CACNA2D3: variants seen among roughly 807,000 people sequenced by gnomAD.
CACNA2D3 encodes the protein voltage-dependent calcium channel subunit alpha-2/delta-3.
A neutral mutation model predicts 160.6 loss-of-function variants in CACNA2D3; 60 were observed. The ratio of observed to expected loss-of-function variants is 0.37; its 90% CI spans 0.30 to 0.46. CACNA2D3 has a LOEUF of 0.46. Among genes scored for constraint, CACNA2D3 ranks in the 20% least tolerant of loss-of-function variants. The pLI is 1.00. For missense variants in CACNA2D3, 1,205 were observed against 1,365.0 expected (o/e 0.88, Z 1.85); for synonymous variants, 558 against 492.9 (o/e 1.13, Z -1.75).
chr3:54,723,702 C>T (rs534982157), intron 11 of CACNA2D3, among the ~76,000 whole-genome samples: 20 of 152,306 alleles, frequency 1.3e-4, no homozygotes, highest in African/African-American at 3.4e-4. Context: ...GCTCACCCTC[C>T]GTGGGCTGCA....
At chr3:54,987,875 G>A (rs1438305287) in intron 31 of CACNA2D3, 122 bp downstream of exon 31, 3 of 622,344 alleles carry the variant, frequency 4.8e-6, no homozygotes, top group Non-Finnish European at 8.3e-6. Context: ...TTGTGTTCAT[G>A]CTCCAAAAGA....
intron 2 of CACNA2D3, among the ~76,000 whole-genome samples, chr3:54,298,094 A>G (rs375222241): frequency 6.6e-5 from 10 of 152,346 alleles, no homozygotes; most frequent in African/African-American, 2.4e-4. Context: ...AGTATATACC[A>G]GTGTGGTAGA....
At chr3:54,651,792 G>A (rs1699769713) in intron 11 of CACNA2D3, among the ~76,000 whole-genome samples, 1 of 152,134 alleles carries the variant, frequency 6.6e-6, no homozygotes, top group African/African-American at 2.4e-5. Context: ...GCGCCTCTGA[G>A]GGGGTTTTGT....
chr3:54,909,680 A>G (rs1295209124), intron 27 of CACNA2D3, among the ~76,000 whole-genome samples: 2 of 130,672 alleles, frequency 1.5e-5, no homozygotes, highest in South Asian at 2.4e-4. Flanking sequence ...ATCAGCTATC[A>G]TTAGTGTTAA....
chr3:54,210,606 A>G (rs948495917), intron 2 of CACNA2D3, among the ~76,000 whole-genome samples: 1 of 152,172 alleles, frequency 6.6e-6, no homozygotes, highest in East Asian at 1.9e-4. Flanking sequence ...AGATGAGGTA[A>G]TGGACTTGGA....
intron 18 of CACNA2D3, chr3:54,874,537 A>G (rs936414309): frequency 6.6e-6 from 1 of 152,208 alleles, no homozygotes; most frequent in Non-Finnish European, 1.5e-5. Flanking sequence ...TTATTAATAG[A>G]AAAAAACTCA....
intron 3 of CACNA2D3, among the ~76,000 whole-genome samples, chr3:54,350,982 G>GTTTTTTTTTTTT (rs1491034355): frequency 3.2e-5 from 2 of 61,800 alleles, no homozygotes; most frequent in Non-Finnish European, 6.1e-5. Context: ...TTTTTTTTTT[G>GTTTTTTTTTTTT]TTTGTTTTTT....
At chr3:54,481,550 C>A (rs1700933019) in intron 4 of CACNA2D3, among the ~76,000 whole-genome samples, 1 of 152,214 alleles carries the variant, frequency 6.6e-6, no homozygotes, top group South Asian at 2.1e-4. Context: ...GTGCTCGGTT[C>A]TTCCACAGCT....
intron 35 of CACNA2D3, among the ~76,000 whole-genome samples, chr3:55,067,099 AGC>A (rs1559478652): frequency 9.6e-5 from 14 of 146,504 alleles, no homozygotes; most frequent in African/African-American, 3.0e-4. Flanking sequence ...AATCTTTTGT[AGC>A]GGGGGGGGCT....
Position 54,923,931 on chromosome 3 carries a change from A to G in CACNA2D3, c.2449+24063A>G, listed in dbSNP as rs545547701. Among the ~76,000 whole-genome samples, 7 of 152,370 alleles carry G rather than the reference A, an allele frequency of 4.6e-5. 1 individual carries two copies. Among genetic ancestry groups the G allele is most frequent in the African/African-American group, 1.7e-4 (7 of 41,586 alleles). ...TGCAAAGCAACCACTCACTCATTAT[A>G]TAATGAATGGGCATGGCTGTGTTCC... On this transcript the variant is annotated intron_variant, in intron 27 of 37. Transcript: ENST00000474759.
intron 3 of CACNA2D3, among the ~76,000 whole-genome samples, chr3:54,343,116 A>T (rs1272123960): frequency 2.6e-5 from 4 of 152,192 alleles, no homozygotes; most frequent in Non-Finnish European, 5.9e-5. Context: ...GCAAATTTTT[A>T]AACTTTTTTT....
chr3:54,595,313 GGT>G (rs71637562), intron 9 of CACNA2D3, among the ~76,000 whole-genome samples: 5,452 of 131,950 alleles, frequency 0.041, 110 homozygotes, highest in East Asian at 0.084. Context: ...CTGTGTGTGT[GGT>G]GTGTGTGTGT....
At chr3:54,824,078 A>G (rs904415487) in intron 14 of CACNA2D3, among the ~76,000 whole-genome samples, 3 of 152,360 alleles carry the variant, frequency 2.0e-5, no homozygotes, top group African/African-American at 7.2e-5. Context: ...AAAAATACAC[A>G]TGCATAACAT....
intron 13 of CACNA2D3, among the ~76,000 whole-genome samples, chr3:54,769,597 A>C (rs1355293584): frequency 6.6e-6 from 1 of 152,164 alleles, no homozygotes; most frequent in African/African-American, 2.4e-5. Flanking sequence ...CCTGCCTTCC[A>C]GGGTTCACTC....
chr3:54,878,709 G>T, intron 18 of CACNA2D3: 1 of 232,618 alleles, frequency 4.3e-6, no homozygotes, highest in East Asian at 8.4e-5. Flanking sequence ...AGACGTTCTT[G>T]CTCGGCATTT....
At chr3:54,677,844 T>C (rs1217095801) in intron 11 of CACNA2D3, among the ~76,000 whole-genome samples, 1 of 151,918 alleles carries the variant, frequency 6.6e-6, no homozygotes, top group Non-Finnish European at 1.5e-5. Flanking sequence ...AGAGAGTAAT[T>C]TTAGTCTTAA....
rs185629573 is a variant in CACNA2D3 at position 54,256,824 on chromosome 3, C to T, written c.205-63618C>T. On this transcript the variant is annotated intron_variant, in intron 2 of 37. Transcript: ENST00000474759. ...AAAATGAGCTGTCTTCTTTCCAGTGCACTTTCTTATCCAGAAGGTCTGTAG... is the reference window on the plus strand; with the variant it reads ...AAAATGAGCTGTCTTCTTTCCAGTGTACTTTCTTATCCAGAAGGTCTGTAG... Among the ~76,000 whole-genome samples the T allele has an allele frequency of 2.1e-3, 314 of 150,690 alleles. 2 individuals carry two copies. The highest frequency in any genetic ancestry group is 1.9e-3 in the Non-Finnish European group (127 of 67,884).
intron 2 of CACNA2D3, among the ~76,000 whole-genome samples, chr3:54,300,147 C>G (rs1703441044): frequency 6.6e-6 from 1 of 152,290 alleles, no homozygotes; most frequent in East Asian, 1.9e-4. Flanking sequence ...ATAAGGACTT[C>G]TATTAGATAT....
At chr3:54,761,905 T>C (rs1702087211) in intron 12 of CACNA2D3, among the ~76,000 whole-genome samples, 1 of 152,200 alleles carries the variant, frequency 6.6e-6, no homozygotes, top group Admixed American at 6.5e-5. Context: ...CGACCCTTTC[T>C]GGACAACAGC....
Sources: gnomAD v4.1 joint callset for allele counts (sites outside exome capture counted in the v4.1 genomes callset) on GRCh38, gnomAD v4.1.1 for gene constraint, MANE v1.5 for transcripts, NCBI Gene and HGNC (gene_info 2026-07-23, HGNC 2026-07-21) for gene names.